UBR3: variants seen among roughly 807,000 people sequenced by gnomAD.
The protein encoded by UBR3 is E3 ubiquitin-protein ligase UBR3.
UBR3 carries 85 observed loss-of-function variants against 243.2 expected under a neutral mutation model. The ratio of observed to expected loss-of-function variants is 0.35; its 90% CI spans 0.29 to 0.42. UBR3 has a LOEUF of 0.42. UBR3 is among the 10% of genes least tolerant of loss of function. The pLI, the probability that UBR3 is intolerant of heterozygous loss-of-function variation, is 1.00. For missense variants in UBR3, 1,686 were observed against 2,300.8 expected (o/e 0.73, Z 5.47); for synonymous variants, 748 against 799.8 (o/e 0.94, Z 1.09).
intron 24 of UBR3, among the ~76,000 whole-genome samples, chr2:169,974,869 G>GT (rs1478013659): frequency 2.0e-5 from 3 of 151,972 alleles, no homozygotes; most frequent in Admixed American, 6.6e-5. Flanking sequence ...ATTTTCATTT[G>GT]TTTCAAGAAA....
chr2:169,995,709 G>A (rs1362585801), intron 26 of UBR3, among the ~76,000 whole-genome samples: 1 of 152,092 alleles, frequency 6.6e-6, no homozygotes, highest in Non-Finnish European at 1.5e-5. Context: ...CTTTTAAAAT[G>A]TGAAGTAAGG....
At chr2:170,030,545 CTAATAA>C (rs1291399792) in intron 31 of UBR3, among the ~76,000 whole-genome samples, 1 of 151,886 alleles carries the variant, frequency 6.6e-6, no homozygotes, top group Non-Finnish European at 1.5e-5. Flanking sequence ...GTCTTGATTC[CTAATAA>C]TATTAACATA....
Position 169,958,570 on chromosome 2 carries a change from T to C in UBR3, c.3634+44T>C, listed in dbSNP as rs766764954. On this transcript the variant is annotated intron_variant, in intron 24 of 38. Coordinates refer to ENST00000272793, the MANE Select transcript of UBR3 (RefSeq NM_172070.4). The stretch of plus-strand genomic sequence containing the variant: ...TTTAGAACTCTCATAATTATACTTA[T>C]TACTTTAGGGATGATGTAGTCCAGT... 9.7e-6 allele frequency: 15 copies of C among 1,540,514 alleles called. No homozygotes were observed. The Admixed American group carries it at 2.2e-4, about 23-fold the overall frequency.
chr2:169,984,256 T>C lies in UBR3; in HGVS notation c.3635-2389T>C, dbSNP rs374007168. 2.3e-4 allele frequency among the ~76,000 whole-genome samples: 35 copies of C among 152,204 alleles called. No individual in the cohort carries two copies. In the East Asian group the frequency reaches 4.2e-3, roughly 18 times the overall value. On this transcript the variant is annotated intron_variant, in intron 24 of 38. Coordinates refer to ENST00000272793, the MANE Select transcript of UBR3 (RefSeq NM_172070.4). ...GGGGTTTTTAAAAGAAACCTTTTTATTGAAATATACTCATAATGCATGTTT... is the reference window on the plus strand; with the variant it reads ...GGGGTTTTTAAAAGAAACCTTTTTACTGAAATATACTCATAATGCATGTTT...
At chr2:170,061,241 T>C in intron 34 of UBR3, 55 bp downstream of exon 34, 1 of 1,581,730 alleles carries the variant, frequency 6.3e-7, no homozygotes, top group South Asian at 1.2e-5. Flanking sequence ...ATTTACATTT[T>C]CTTGCCATTA....
intron 23 of UBR3, 87 bp from the exon 24 acceptor site, chr2:169,958,351 G>T: frequency 8.8e-7 from 1 of 1,141,012 alleles, no homozygotes; most frequent in Non-Finnish European, 1.3e-6. Context: ...TGTGCCAGGG[G>T]CTTTTCATAC....
At position 169,982,030 on chromosome 2, in the gene UBR3, T is replaced by G. The variant is rs760798536; in HGVS notation, c.3635-4615T>G. ...CAGGGAACTCTGGTAGTGTACTTAG[T>G]TTATGAATAGTAACTCACCTGCTAG... On this transcript the variant is annotated intron_variant, in intron 24 of 38. Coordinates refer to ENST00000272793, the MANE Select transcript of UBR3 (RefSeq NM_172070.4). Among the ~76,000 whole-genome samples the G allele has an allele frequency of 4.7e-4, 72 of 152,316 alleles. 1 individual carries two copies. In the Middle Eastern group the frequency reaches 0.024, roughly 50 times the overall value.
chr2:170,049,657 CT>C (rs2091171294), intron 32 of UBR3, among the ~76,000 whole-genome samples: 1 of 152,086 alleles, frequency 6.6e-6, no homozygotes, highest in Non-Finnish European at 1.5e-5. Context: ...CATGATGGTC[CT>C]TTACCTTGTG....
At chr2:169,907,758 A>G (rs1574172712) in intron 10 of UBR3, among the ~76,000 whole-genome samples, 1 of 151,710 alleles carries the variant, frequency 6.6e-6, no homozygotes, top group African/African-American at 2.4e-5. Flanking sequence ...ATAATTCGTT[A>G]TCTTTTTTTT....
intron 30 of UBR3, among the ~76,000 whole-genome samples, chr2:170,016,058 T>C (rs988880531): frequency 2.0e-5 from 3 of 151,868 alleles, no homozygotes; most frequent in African/African-American, 7.2e-5. Context: ...GTGATTGGTG[T>C]AGGAAATAAA....
chr2:170,060,073 TC>T (rs1483956537), intron 33 of UBR3, among the ~76,000 whole-genome samples: 1 of 152,186 alleles, frequency 6.6e-6, no homozygotes, highest in Non-Finnish European at 1.5e-5. Context: ...ATCCAAACTA[TC>T]AGTGCCTTAA....
intron 19 of UBR3, among the ~76,000 whole-genome samples, chr2:169,941,763 C>T (rs1328202450): frequency 1.3e-5 from 2 of 152,194 alleles, no homozygotes; most frequent in African/African-American, 2.4e-5. Context: ...GGCTTTGGAA[C>T]GTGTTCCCTG....
intron 1 of UBR3, among the ~76,000 whole-genome samples, chr2:169,834,094 G>A (rs2082015758): frequency 6.6e-6 from 1 of 152,180 alleles, no homozygotes; most frequent in Non-Finnish European, 1.5e-5. Flanking sequence ...TGCCTGGCCT[G>A]TGTTGTGGGA....
At chr2:170,032,893 C>T (rs901888232) in intron 31 of UBR3, among the ~76,000 whole-genome samples, 1 of 151,866 alleles carries the variant, frequency 6.6e-6, no homozygotes, top group African/African-American at 2.4e-5. Context: ...TACTTTGAGA[C>T]TATGTATGTA....
intron 11 of UBR3, among the ~76,000 whole-genome samples, chr2:169,916,942 C>G (rs2085487030): frequency 6.6e-6 from 1 of 152,126 alleles, no homozygotes; most frequent in South Asian, 2.1e-4. Context: ...TCTGACTTCC[C>G]TCTCAGTTTC....
Position 170,081,884 on chromosome 2 carries a change from C to T in UBR3, c.*41C>T, listed in dbSNP as rs375875363. The T allele has an allele frequency of 7.7e-5, 103 of 1,329,376 alleles. 1 individual carries two copies. The highest frequency in any genetic ancestry group is 1.3e-4 in the South Asian group (8 of 62,076). The allele number at this position is 1,329,376 out of a possible 1,614,324, so 82.3% of individuals were successfully genotyped here. A position where few individuals can be genotyped will look rare whatever the true frequency, so the allele number is the denominator to read the frequency against. On this transcript the variant is annotated 3_prime_UTR_variant, in exon 39 of 39. Transcript: ENST00000272793. Reference sequence around the variant, plus strand: ...TTGCATCGTATCATCATTTTCGCTACGAATTTATTTTTCAACAATAAGCTT... The same window carrying T: ...TTGCATCGTATCATCATTTTCGCTATGAATTTATTTTTCAACAATAAGCTT...
chr2:169,827,529 G>A lies in UBR3; in HGVS notation c.22G>A (p.Ala8Thr). The A allele has an allele frequency of 8.1e-7, 1 of 1,230,952 alleles. No homozygotes were observed. Among genetic ancestry groups the A allele is most frequent in the Non-Finnish European group, 1.0e-6 (1 of 988,564 alleles). 76.3% of individuals were successfully genotyped at this position (1,230,952 alleles called of 1,614,324 possible). MAAAAAA[A>T]VGGQQPSQPE... ...CATCATGGCGGCGGCGGCCGCGGCG[G>A]CCGTCGGGGGCCAGCAGCCGTCACA... The change falls in exon 1 of 39, where the codon GCC becomes ACC. Residue 8 changes from alanine (A) to threonine (T), a missense_variant. Ala to Thr is a moderately conservative substitution (Grantham distance 58). This residue lies in a region of UBR3 where 79 missense variants were observed against 73.2 expected (regional missense o/e 1.08). Coordinates refer to ENST00000272793, the MANE Select transcript of UBR3 (RefSeq NM_172070.4).
chr2:170,024,699 A>G (rs1245072616), intron 30 of UBR3, among the ~76,000 whole-genome samples: 1 of 152,170 alleles, frequency 6.6e-6, no homozygotes, highest in African/African-American at 2.4e-5. Context: ...GGTTCTAGCT[A>G]GGAGTACTTA....
At chr2:170,023,523 C>T (rs532483888) in intron 30 of UBR3, among the ~76,000 whole-genome samples, 10 of 152,186 alleles carry the variant, frequency 6.6e-5, no homozygotes, top group African/African-American at 2.4e-4. Context: ...AATTCTCCTG[C>T]CTCAGCCTCC....
Sources: allele counts gnomAD v4.1 joint callset (sites outside exome capture counted in the v4.1 genomes callset), GRCh38; gene constraint gnomAD v4.1.1; regional missense constraint gnomAD v4.1.1; transcripts MANE v1.5; gene names NCBI Gene and HGNC (gene_info 2026-07-23, HGNC 2026-07-21).